MEF2A: variants seen among roughly 807,000 people sequenced by gnomAD.
MEF2A encodes myocyte enhancer factor 2A.
In MEF2A, 28 loss-of-function variants were observed where a neutral mutation model predicts 55.8. That is an observed-to-expected ratio of 0.50 (90% CI 0.37 to 0.69). MEF2A has a LOEUF of 0.69. Among genes scored for constraint, MEF2A ranks in the 30% least tolerant of loss-of-function variants. The pLI is 0.00. For missense variants in MEF2A, 528 were observed against 626.2 expected (o/e 0.84, Z 1.67); for synonymous variants, 239 against 227.1 (o/e 1.05, Z -0.47).
chr15:99,662,554 A>C (rs1270990674), intron 4 of MEF2A, among the ~76,000 whole-genome samples: 1 of 150,994 alleles, frequency 6.6e-6, no homozygotes, highest in Non-Finnish European at 1.5e-5. Flanking sequence ...AGCTCACTGC[A>C]ACCTCCACCT....
intron 1 of MEF2A, among the ~76,000 whole-genome samples, chr15:99,596,207 G>A (rs1031091922): frequency 6.6e-6 from 1 of 152,150 alleles, no homozygotes; most frequent in African/African-American, 2.4e-5. Flanking sequence ...ACTGTGATGT[G>A]TAACTATCAA....
intron 8 of MEF2A, among the ~76,000 whole-genome samples, chr15:99,698,491 A>G (rs1002620052): frequency 2.6e-5 from 4 of 152,192 alleles, no homozygotes; most frequent in Non-Finnish European, 5.9e-5. Context: ...TAAAATGGCT[A>G]AAATTTAAGA....
chr15:99,613,764 GCCC>G, intron 2 of MEF2A, among the ~76,000 whole-genome samples: 1 of 152,192 alleles, frequency 6.6e-6, no homozygotes, highest in South Asian at 2.1e-4. Flanking sequence ...TATTTTGACA[GCCC>G]ATGGTAGCAT....
At chr15:99,641,664 A>C (rs931972153) in intron 3 of MEF2A, among the ~76,000 whole-genome samples, 2 of 152,162 alleles carry the variant, frequency 1.3e-5, no homozygotes, top group African/African-American at 4.8e-5. Context: ...CGGAGCTTGC[A>C]GTGAGTCGAG....
intron 8 of MEF2A, among the ~76,000 whole-genome samples, chr15:99,701,529 TC>T (rs1331258817): frequency 6.6e-6 from 1 of 152,174 alleles, no homozygotes; most frequent in Non-Finnish European, 1.5e-5. Context: ...AAAAAGGACA[TC>T]AGTTGAAAGA....
At chr15:99,657,398 A>T (rs2047918345) in intron 4 of MEF2A, 1 of 152,026 alleles carries the variant, frequency 6.6e-6, no homozygotes, top group East Asian at 1.9e-4. Context: ...TAAAATTTTG[A>T]TATTGTTGGG....
intron 2 of MEF2A, among the ~76,000 whole-genome samples, chr15:99,615,278 C>CT (rs1379755505): frequency 6.6e-6 from 1 of 152,106 alleles, no homozygotes; most frequent in Non-Finnish European, 1.5e-5. Context: ...TTGCAGTAGG[C>CT]TGATAAGCTG....
intron 1 of MEF2A, chr15:99,566,656 G>T (rs1370891540): frequency 6.6e-6 from 1 of 152,388 alleles, no homozygotes; most frequent in Non-Finnish European, 1.5e-5. Context: ...GGGTCTCCCC[G>T]AAGGGATTAG....
intron 1 of MEF2A, among the ~76,000 whole-genome samples, chr15:99,584,971 GA>G (rs1966849724): frequency 6.6e-6 from 1 of 151,852 alleles, no homozygotes; most frequent in South Asian, 2.1e-4. Flanking sequence ...GCATGGGGGG[GA>G]TAATGGGTAT....
In MEF2A at chr15:99,704,911, A is replaced by G. The variant is rs189645768; in HGVS notation, c.882+1526A>G. Among the ~76,000 whole-genome samples the G allele has an allele frequency of 8.5e-5, 13 of 152,370 alleles. No individual in the cohort carries two copies. In the East Asian group the frequency reaches 2.5e-3, roughly 29 times the overall value. ...CCACATTCCTCAGAGTACATCTGTAATTACAGAACCTCAGAGATAAATATA... is the reference window on the plus strand; with the variant it reads ...CCACATTCCTCAGAGTACATCTGTAGTTACAGAACCTCAGAGATAAATATA... On this transcript the variant is annotated intron_variant, in intron 9 of 11. Transcript: ENST00000557942.
At chr15:99,585,205 T>A (rs1416917522) in intron 1 of MEF2A, among the ~76,000 whole-genome samples, 1 of 152,174 alleles carries the variant, frequency 6.6e-6, no homozygotes, top group Non-Finnish European at 1.5e-5. Flanking sequence ...GCTTTCCTAT[T>A]TTCAGGGTTA....
intron 8 of MEF2A, among the ~76,000 whole-genome samples, chr15:99,693,513 A>C (rs1053322210): frequency 1.3e-5 from 2 of 152,206 alleles, no homozygotes; most frequent in Admixed American, 1.3e-4. Flanking sequence ...TTAGAGATAC[A>C]TTACAGAAAA....
chr15:99,712,704 C>T lies in MEF2A; in HGVS notation c.1451C>T (p.Pro484Leu). Residue 484 changes from proline to leucine, a missense_variant, in exon 12 of 12, where the codon CCC becomes CTC. Pro to Leu is a moderately conservative substitution (Grantham distance 98, BLOSUM62 -3). Transcript: ENST00000557942. This position sits in a 1 kb window ranked among gnomAD's most constrained non-coding sequence, Gnocchi z 4.1. ...CATTCTCCAATTGTGCTTGGCCGACCCCCAAACACTGAGGACAGAGAAAGC... is the reference window on the plus strand; with the variant it reads ...CATTCTCCAATTGTGCTTGGCCGACTCCCAAACACTGAGGACAGAGAAAGC... ...DFHSPIVLGR[P>L]PNTEDRESPS... 1 of 1,564,908 alleles carries T rather than the reference C, an allele frequency of 6.4e-7. No homozygotes were observed. Among genetic ancestry groups the T allele is most frequent in the South Asian group, 1.2e-5 (1 of 84,668 alleles).
chr15:99,691,927 C>T (rs2055554575), intron 8 of MEF2A, among the ~76,000 whole-genome samples: 1 of 152,054 alleles, frequency 6.6e-6, no homozygotes, highest in South Asian at 2.1e-4. Flanking sequence ...TTGTAAAGAA[C>T]AGGAGAATCT....
At chr15:99,597,270 G>C (rs1971514678) in intron 1 of MEF2A, among the ~76,000 whole-genome samples, 4 of 152,208 alleles carry the variant, frequency 2.6e-5, no homozygotes, top group African/African-American at 9.6e-5. Flanking sequence ...TGCGCACCTG[G>C]GGGTGGGTCT....
intron 1 of MEF2A, among the ~76,000 whole-genome samples, chr15:99,574,119 ATT>A (rs1017822060): frequency 6.6e-6 from 1 of 152,180 alleles, no homozygotes; most frequent in African/African-American, 2.4e-5. Flanking sequence ...ATGAACTCCC[ATT>A]TATATCTGCC....
At chr15:99,654,174 T>C (rs1365635532) in intron 4 of MEF2A, among the ~76,000 whole-genome samples, 1 of 152,168 alleles carries the variant, frequency 6.6e-6, no homozygotes, top group African/African-American at 2.4e-5. Flanking sequence ...TGTAGGACAG[T>C]ATAAAATAAT....
At chr15:99,578,587 C>T (rs1171779053) in intron 1 of MEF2A, among the ~76,000 whole-genome samples, 1 of 152,166 alleles carries the variant, frequency 6.6e-6, no homozygotes. Flanking sequence ...GACTGCCGCT[C>T]ATTGCTACTG....
intron 2 of MEF2A, among the ~76,000 whole-genome samples, chr15:99,612,098 C>T (rs968154714): frequency 6.6e-6 from 1 of 152,032 alleles, no homozygotes; most frequent in Admixed American, 6.6e-5. Context: ...GTAATAGTTG[C>T]ACTGCTTTGT....
Sources: allele counts gnomAD v4.1 joint callset (sites outside exome capture counted in the v4.1 genomes callset), GRCh38; gene constraint gnomAD v4.1.1; non-coding constraint Gnocchi (gnomAD v3.1); transcripts MANE v1.5; gene names NCBI Gene and HGNC (gene_info 2026-07-23, HGNC 2026-07-21).